Variants in DAB1 observed in about 807,000 individuals in gnomAD.
DAB1 encodes the protein DAB adaptor protein 1.
A neutral mutation model predicts 64.6 loss-of-function variants in DAB1; 15 were observed. The ratio of observed to expected loss-of-function variants is 0.23; its 90% CI spans 0.16 to 0.36. DAB1 has a LOEUF of 0.36. Ranked by LOEUF, DAB1 falls within the 10% of genes least tolerant of loss-of-function variation. The pLI is 1.00. For synonymous variants in DAB1, 235 were observed against 251.9 expected (o/e 0.93, Z 0.64); for missense variants, 596 against 706.7 (o/e 0.84, Z 1.78).
At chr1:58,512,831 G>A (rs1207149384) in intron 2 of DAB1, among the ~76,000 whole-genome samples, 2 of 152,142 alleles carry the variant, frequency 1.3e-5, no homozygotes, top group Non-Finnish European at 2.9e-5. Context: ...CTGATATACA[G>A]CATGTGCCTA....
At chr1:57,097,767 T>TTTAG (rs1654300166) in intron 4 of DAB1, among the ~76,000 whole-genome samples, 1 of 23,916 alleles carries the variant, frequency 4.2e-5, no homozygotes. Context: ...TTTATTATTA[T>TTTAG]TTATTTATTT....
At chr1:57,394,271 T>G (rs1242828398) in intron 1 of DAB1, among the ~76,000 whole-genome samples, 1 of 152,236 alleles carries the variant, frequency 6.6e-6, no homozygotes, top group Non-Finnish European at 1.5e-5. Context: ...GGCGTTGTGT[T>G]GCAAAGACAA....
intron 4 of DAB1, among the ~76,000 whole-genome samples, chr1:58,263,452 T>C (rs934391756): frequency 6.6e-6 from 1 of 152,202 alleles, no homozygotes; most frequent in African/African-American, 2.4e-5. Flanking sequence ...AAAGGGGCTC[T>C]GGAAATCACG....
intron 6 of DAB1, among the ~76,000 whole-genome samples, chr1:57,776,352 T>A (rs1649798659): frequency 6.6e-6 from 1 of 151,844 alleles, no homozygotes; most frequent in Admixed American, 6.6e-5. Flanking sequence ...AAGGGATACT[T>A]AGCCTATAGT....
chr1:58,290,175 G>A (rs1396038797), intron 4 of DAB1, among the ~76,000 whole-genome samples: 1 of 152,182 alleles, frequency 6.6e-6, no homozygotes, highest in Non-Finnish European at 1.5e-5. Flanking sequence ...CATGTACTGG[G>A]TGTCTTGACA....
chr1:57,970,745 T>C (rs1286751315), intron 5 of DAB1, among the ~76,000 whole-genome samples: 1 of 152,180 alleles, frequency 6.6e-6, no homozygotes, highest in African/African-American at 2.4e-5. Flanking sequence ...CATAGGAACT[T>C]TGATATCTTA....
At chr1:57,170,558 T>C (rs1661650268) in intron 2 of DAB1, among the ~76,000 whole-genome samples, 1 of 152,036 alleles carries the variant, frequency 6.6e-6, no homozygotes, top group African/African-American at 2.4e-5. Context: ...GCTTTATAAA[T>C]AAAGAAACTG....
chr1:57,057,594 G>A (rs1332844676), intron 9 of DAB1, among the ~76,000 whole-genome samples: 1 of 150,114 alleles, frequency 6.7e-6, no homozygotes, highest in African/African-American at 2.5e-5. Flanking sequence ...TGGGGTAGAA[G>A]GACTACACTG....
At chr1:57,701,462 C>A (rs7512763) in intron 6 of DAB1, among the ~76,000 whole-genome samples, 8,996 of 151,946 alleles carry the variant, frequency 0.059, 886 homozygotes, top group African/African-American at 0.21. Context: ...GGACAAAAAA[C>A]CAAACACCAC....
At chr1:57,668,815 C>A (rs1054695286) in intron 6 of DAB1, among the ~76,000 whole-genome samples, 1 of 151,980 alleles carries the variant, frequency 6.6e-6, no homozygotes, top group Non-Finnish European at 1.5e-5. Context: ...TCTGAAGATC[C>A]GATCCCTGAA....
intron 4 of DAB1, among the ~76,000 whole-genome samples, chr1:58,277,015 G>T (rs899461961): frequency 1.3e-5 from 2 of 148,792 alleles, no homozygotes. Flanking sequence ...AAAAGAGAGA[G>T]TGTTGCAGAG....
At chr1:57,193,488 G>A (rs935734300) in intron 2 of DAB1, among the ~76,000 whole-genome samples, 3 of 145,744 alleles carry the variant, frequency 2.1e-5, no homozygotes, top group East Asian at 2.1e-4. Flanking sequence ...CCGGGTTCAC[G>A]CCATTCTCCT....
intron 7 of DAB1, among the ~76,000 whole-genome samples, chr1:57,498,911 G>A (rs772468027): frequency 2.0e-5 from 3 of 152,150 alleles, no homozygotes; most frequent in Non-Finnish European, 4.4e-5. Context: ...AAGGAACTAG[G>A]CTCACTCTCC....
chr1:58,048,291 C>G, intron 5 of DAB1: 3 of 1,252,644 alleles, frequency 2.4e-6, no homozygotes, highest in Non-Finnish European at 3.5e-6. Flanking sequence ...GAGCTTCTGC[C>G]TCCAAAATCT....
intron 6 of DAB1, among the ~76,000 whole-genome samples, chr1:57,765,460 C>T (rs768636682): frequency 3.9e-5 from 6 of 152,140 alleles, no homozygotes; most frequent in Non-Finnish European, 7.4e-5. Context: ...TTTGTAGGGA[C>T]AAAATGCCCG....
chr1:57,137,206 T>G (rs932161710), intron 3 of DAB1, among the ~76,000 whole-genome samples: 1 of 152,216 alleles, frequency 6.6e-6, no homozygotes, highest in African/African-American at 2.4e-5. Context: ...ATTTTGTGTT[T>G]ACCACTACCC....
At chr1:57,366,767 A>T (rs1245314651) in intron 1 of DAB1, among the ~76,000 whole-genome samples, 1 of 152,162 alleles carries the variant, frequency 6.6e-6, no homozygotes, top group African/African-American at 2.4e-5. Context: ...ATGATTTAGC[A>T]ACTTGCCTAA....
At chr1:58,331,428 C>A (rs530061191) in intron 4 of DAB1, among the ~76,000 whole-genome samples, 1 of 152,286 alleles carries the variant, frequency 6.6e-6, no homozygotes, top group East Asian at 1.9e-4. Flanking sequence ...AAAGCAGGAA[C>A]AGGGTTTGAG....
At chr1:57,207,605 A>G (rs197102) in intron 2 of DAB1, among the ~76,000 whole-genome samples, 69,071 of 144,538 alleles carry the variant, frequency 0.48, 16,722 homozygotes, top group Admixed American at 0.53. Context: ...CACTACGCCC[A>G]GCTAATTTTT....
Sources: gnomAD v4.1 joint callset for allele counts (sites outside exome capture counted in the v4.1 genomes callset) on GRCh38, gnomAD v4.1.1 for gene constraint, MANE v1.5 for transcripts, NCBI Gene and HGNC (gene_info 2026-07-23, HGNC 2026-07-21) for gene names.